ACACA: variants seen among roughly 807,000 people sequenced by gnomAD.
ACACA encodes the protein acetyl-CoA carboxylase alpha, also known as acetyl-CoA carboxylase 1.
ACACA carries 103 observed loss-of-function variants against 296.1 expected under a neutral mutation model. That is an observed-to-expected ratio of 0.35 (90% CI 0.30 to 0.41). The LOEUF (loss-of-function observed/expected upper bound fraction) is 0.41, where lower values mean the gene tolerates loss of function less well. ACACA is among the 10% of genes least tolerant of loss of function. The pLI is 1.00. For synonymous variants in ACACA, 953 were observed against 1,038.6 expected, an observed-to-expected ratio of 0.92 and a Z score of 1.58; for missense variants, 1,554 against 2,989.7, an observed-to-expected ratio of 0.52 and a Z score of 11.20.
intron 33 of ACACA, among the ~76,000 whole-genome samples, chr17:37,201,770 T>C (rs542236735): frequency 1.3e-5 from 2 of 152,300 alleles, no homozygotes; most frequent in African/African-American, 2.4e-5. Flanking sequence ...CCAAGAGATA[T>C]GTTTATAGGC....
intron 22 of ACACA, among the ~76,000 whole-genome samples, chr17:37,242,686 G>A (rs886685576): frequency 5.3e-5 from 8 of 152,078 alleles, no homozygotes; most frequent in East Asian, 1.9e-4. Context: ...AGCCATGACC[G>A]CACCACTGCA....
chr17:37,349,320 C>T (rs1418655927), intron 1 of ACACA, among the ~76,000 whole-genome samples: 1 of 149,908 alleles, frequency 6.7e-6, no homozygotes, highest in Non-Finnish European at 1.5e-5. Flanking sequence ...CTCAGCCTCC[C>T]AGAGCACTGG....
intron 1 of ACACA, among the ~76,000 whole-genome samples, chr17:37,347,994 GA>G (rs2048710253): frequency 6.6e-6 from 1 of 151,908 alleles, no homozygotes; most frequent in Admixed American, 6.6e-5. Flanking sequence ...CCAACAGGGT[GA>G]AACCCCAACT....
At chr17:37,176,889 T>C (rs1371051663) in intron 41 of ACACA, among the ~76,000 whole-genome samples, 2 of 152,276 alleles carry the variant, frequency 1.3e-5, no homozygotes, top group African/African-American at 2.4e-5. Context: ...CATTAGTCAC[T>C]AACTGCTCAC....
At chr17:37,345,859 T>C (rs1177382905) in intron 1 of ACACA, among the ~76,000 whole-genome samples, 1 of 152,124 alleles carries the variant, frequency 6.6e-6, no homozygotes, top group African/African-American at 2.4e-5. Flanking sequence ...ACATGACCAC[T>C]AAATACAATG....
At chr17:37,320,968 A>T (rs2047329254) in intron 3 of ACACA, among the ~76,000 whole-genome samples, 1 of 151,934 alleles carries the variant, frequency 6.6e-6, no homozygotes, top group Non-Finnish European at 1.5e-5. Context: ...AAAAAAAAAA[A>T]TTGTGGGAAA....
chr17:37,352,009 C>T (rs2048926372), intron 1 of ACACA, among the ~76,000 whole-genome samples: 1 of 149,874 alleles, frequency 6.7e-6, no homozygotes, highest in Non-Finnish European at 1.5e-5. Context: ...CGGCTCACTG[C>T]AAGCTCCGCC....
At chr17:37,248,452 T>G in intron 17 of ACACA, 141 bp downstream of exon 17, 1 of 770,348 alleles carries the variant, frequency 1.3e-6, no homozygotes, top group South Asian at 1.5e-5. Context: ...AAACGCTGCT[T>G]CAGGACACTG....
chr17:37,243,455 G>A lies in ACACA; in HGVS notation c.2847C>T (p.Pro949=), dbSNP rs1237737094. ...IMTSVSGRIP[P]NVEKSIKKEM... Reference sequence around the variant, plus strand: ...CCTTCTTGATAGACTTCTCCACATTGGGGGGAATGCGGCCAGACACACTGG... The same window carrying A: ...CCTTCTTGATAGACTTCTCCACATTAGGGGGAATGCGGCCAGACACACTGG... Residue 949 remains proline, a synonymous_variant, in exon 22 of 56, where the codon CCC becomes CCT. Coordinates refer to ENST00000616317, the MANE Select transcript of ACACA (RefSeq NM_198834.3). 1 of 1,614,026 alleles carries A rather than the reference G, an allele frequency of 6.2e-7. No individual in the cohort carries two copies. The highest frequency in any genetic ancestry group is 1.7e-5 in the Admixed American group (1 of 60,018).
At chr17:37,218,147 C>CAAAAAAAAA (rs60487601) in intron 29 of ACACA, among the ~76,000 whole-genome samples, 3 of 116,576 alleles carry the variant, frequency 2.6e-5, no homozygotes, top group Admixed American at 9.3e-5. Flanking sequence ...CTACCAGTAA[C>CAAAAAAAAA]AAAAAAAAAA....
intron 52 of ACACA, among the ~76,000 whole-genome samples, chr17:37,100,422 C>T (rs1412853639): frequency 6.6e-6 from 1 of 151,968 alleles, no homozygotes; most frequent in African/African-American, 2.4e-5. Context: ...ACATGACTTC[C>T]GCAACATTCC....
At chr17:37,196,339 G>C (rs979953209) in intron 35 of ACACA, among the ~76,000 whole-genome samples, 3 of 151,626 alleles carry the variant, frequency 2.0e-5, no homozygotes, top group Non-Finnish European at 4.4e-5. Context: ...CATATAGTGA[G>C]CTCTTCCTTC....
chr17:37,135,086 C>T (rs954100901), intron 45 of ACACA, among the ~76,000 whole-genome samples: 2 of 152,188 alleles, frequency 1.3e-5, no homozygotes, highest in African/African-American at 4.8e-5. Context: ...CTAATATCCT[C>T]CTCCCTGACC....
intron 41 of ACACA, among the ~76,000 whole-genome samples, chr17:37,174,621 C>T (rs2077039143): frequency 1.3e-5 from 2 of 152,038 alleles, no homozygotes; most frequent in South Asian, 4.2e-4. Flanking sequence ...CAACCTCTGC[C>T]TCCCGGGTTC....
At position 37,248,108 on chromosome 17, in the gene ACACA, A is replaced by G. The variant is rs1480035133; in HGVS notation, c.2212T>C (p.Cys738Arg). The G allele has an allele frequency of 5.6e-6, 9 of 1,614,056 alleles. No individual in the cohort carries two copies. Among genetic ancestry groups the G allele is most frequent in the East Asian group, 2.2e-5 (1 of 44,900 alleles). Residue 738 changes from cysteine (C) to arginine (R), a missense_variant, in exon 18 of 56, where the codon TGT becomes CGT. By Grantham distance (180) the Cys-to-Arg change is radical (BLOSUM62 -3). This residue lies in a region of ACACA where 316 missense variants were observed against 540.9 expected (regional missense o/e 0.58). Transcript: ENST00000616317. ...NSYVVIMNGS[C>R]VEVDVHRLSD... ...AGCCGATGTACATCTACTTCTACAC[A>G]TGAGCCATTCATGATCACCACATAG...
chr17:37,173,389 A>C (rs2076947783), intron 41 of ACACA, among the ~76,000 whole-genome samples: 1 of 152,196 alleles, frequency 6.6e-6, no homozygotes, highest in Non-Finnish European at 1.5e-5. Flanking sequence ...GAACTGTCAA[A>C]ATGGATCTAC....
intron 42 of ACACA, among the ~76,000 whole-genome samples, chr17:37,161,022 G>T (rs886529288): frequency 6.6e-6 from 1 of 152,164 alleles, no homozygotes; most frequent in African/African-American, 2.4e-5. Context: ...AAGAAGTCAA[G>T]GATCCAAGAG....
chr17:37,285,149 G>GA (rs1284224685), intron 3 of ACACA, among the ~76,000 whole-genome samples, 179 bp from the exon 4 acceptor site: 4 of 151,154 alleles, frequency 2.6e-5, no homozygotes, highest in Admixed American at 6.6e-5. Context: ...GAAATTTAAG[G>GA]AAAAAAAAGC....
chr17:37,179,499 CT>C, intron 40 of ACACA, 93 bp from the exon 41 acceptor site: 1 of 1,402,938 alleles, frequency 7.1e-7, no homozygotes, highest in Non-Finnish European at 1.0e-6. Flanking sequence ...GTTTTGCCTT[CT>C]TTTCCAAGTG....
Sources: allele counts gnomAD v4.1 joint callset (sites outside exome capture counted in the v4.1 genomes callset), GRCh38; gene constraint gnomAD v4.1.1; regional missense constraint gnomAD v4.1.1; transcripts MANE v1.5; gene names NCBI Gene and HGNC (gene_info 2026-07-23, HGNC 2026-07-21).